The following KLHL13 variants were observed in gnomAD, a reference collection of about 807,000 sequenced individuals.
KLHL13 encodes the protein kelch-like protein 13.
Under a neutral mutation model 37.1 loss-of-function variants are expected in KLHL13, and 10 were observed. The ratio of observed to expected loss-of-function variants is 0.27; its 90% CI spans 0.17 to 0.46. KLHL13 has a LOEUF of 0.46. KLHL13 is among the 20% of genes least tolerant of loss of function. KLHL13 has a pLI of 1.00. For missense variants in KLHL13, 360 were observed against 509.3 expected, an observed-to-expected ratio of 0.71 and a Z score of 2.82; for synonymous variants, 163 against 181.2, an observed-to-expected ratio of 0.90 and a Z score of 0.81.
chrX:118,012,588 C>A (rs956672189), intron 1 of KLHL13, among the ~76,000 whole-genome samples: 2 of 104,988 alleles, frequency 1.9e-5, no homozygotes, highest in Non-Finnish European at 3.9e-5. Flanking sequence ...ATCTCATAGA[C>A]CTTAACTTAA....
chrX:117,934,133 A>G (rs570330328), intron 2 of KLHL13, among the ~76,000 whole-genome samples: 115 of 110,615 alleles, frequency 1.0e-3, no homozygotes, highest in African/African-American at 3.6e-3. Flanking sequence ...TGGGATTCTA[A>G]AAGGAGGAAG....
chrX:117,992,627 C>T (rs984384393), intron 1 of KLHL13, among the ~76,000 whole-genome samples: 5 of 109,107 alleles, frequency 4.6e-5, no homozygotes, highest in African/African-American at 1.7e-4. Flanking sequence ...CTGTCACCAC[C>T]CATTCAACTC....
In KLHL13 at chrX:118,089,620, G is replaced by GAGAAAGAAAGAAAGAAAGAAGAAAGAA. The variant is rs1556002571; in HGVS notation, c.-56+26887_-56+26888insTTCTTTCTTCTTTCTTTCTTTCTTTCT. On this transcript the variant is annotated intron_variant, in intron 1 of 6. Transcript: ENST00000371882. ...AGAGAGAGAGAGAGAGAGAAAGAAA[G>GAGAAAGAAAGAAAGAAAGAAGAAAGAA]AGAAAGAAAGAAAGAAAGAAAGAAA... 7.7e-3 allele frequency among the ~76,000 whole-genome samples: 553 copies of GAGAAAGAAAGAAAGAAAGAAGAAAGAA among 71,909 alleles called. 16 individuals carry two copies. The highest frequency in any genetic ancestry group is 0.03 in the African/African-American group (522 of 17,287). 62.4% of individuals were successfully genotyped at this position (71,909 alleles called of 115,157 possible).
intron 1 of KLHL13, among the ~76,000 whole-genome samples, chrX:118,093,813 A>T (rs1298688627): frequency 9.0e-6 from 1 of 110,690 alleles, no homozygotes; most frequent in African/African-American, 3.3e-5. Flanking sequence ...CATAAGAAGT[A>T]TGATGGGCTA....
At chrX:117,923,623 T>G (rs1488477560) in intron 2 of KLHL13, among the ~76,000 whole-genome samples, 4 of 112,196 alleles carry the variant, frequency 3.6e-5, no homozygotes, top group Non-Finnish European at 7.5e-5. Flanking sequence ...TTGAATAATG[T>G]CAGTATGTTC....
intron 1 of KLHL13, among the ~76,000 whole-genome samples, chrX:118,071,204 C>A (rs1408790869): frequency 9.0e-6 from 1 of 111,505 alleles, no homozygotes; most frequent in Non-Finnish European, 1.9e-5. Flanking sequence ...GTGAATAATG[C>A]CGCAATAAAC....
At chrX:118,102,876 T>C (rs1352552475) in intron 1 of KLHL13, among the ~76,000 whole-genome samples, 1 of 112,075 alleles carries the variant, frequency 8.9e-6, no homozygotes, top group Non-Finnish European at 1.9e-5. Flanking sequence ...TGGGTTCATT[T>C]TTTAAAATCA....
In KLHL13 at chrX:117,936,788, A is replaced by T. The variant is rs143291660; in HGVS notation, c.240+8646T>A. Among the ~76,000 whole-genome samples, 931 of 111,392 alleles carry T rather than the reference A, an allele frequency of 8.4e-3. 7 individuals are homozygous for T. Among genetic ancestry groups the T allele is most frequent in the African/African-American group, 0.029 (893 of 30,632 alleles). On this transcript the variant is annotated intron_variant, in intron 2 of 6. Transcript: ENST00000262820. The stretch of plus-strand genomic sequence containing the variant: ...TCTGATCAGCTCTATTCCCTGTGAG[A>T]CCTTCTCCATTTACCTCAAGTGGAA...
chrX:118,008,798 G>A (rs145388402), intron 1 of KLHL13, among the ~76,000 whole-genome samples: 6,177 of 111,123 alleles, frequency 0.056, 416 homozygotes, highest in African/African-American at 0.19. Context: ...TTACTGTGTG[G>A]CCTTAGACAA....
rs758444002 is a variant in KLHL13, at chrX:117,901,897, G to A, written c.1416C>T (p.Ala472=). 7.6e-5 allele frequency: 90 copies of A among 1,191,054 alleles called. No homozygotes were observed. Among genetic ancestry groups the A allele is most frequent in the Non-Finnish European group, 9.8e-5 (86 of 881,397 alleles). ...GGCCATAGTGGGGCTCACTCATTTT[G>A]GCAACATAGGTCCATTCATTTGTTC... Residue 472 remains alanine, a synonymous_variant, in exon 6 of 7, where the codon GCC becomes GCT. Transcript: ENST00000262820.
intron 1 of KLHL13, among the ~76,000 whole-genome samples, chrX:118,091,615 GA>G (rs1034768812): frequency 2.7e-5 from 3 of 110,492 alleles, no homozygotes; most frequent in African/African-American, 9.9e-5. Context: ...AAAATAAACT[GA>G]AAAAAATATG....
chrX:118,104,048 T>TAA (rs60645250), intron 1 of KLHL13, among the ~76,000 whole-genome samples: 24 of 42,570 alleles, frequency 5.6e-4, no homozygotes, highest in East Asian at 2.8e-3. Context: ...TCATTTCCAC[T>TAA]AAAAAAAAAA....
At chrX:117,953,544 A>T (rs191525301) in intron 1 of KLHL13, among the ~76,000 whole-genome samples, 1 of 110,918 alleles carries the variant, frequency 9.0e-6, no homozygotes, top group Non-Finnish European at 1.9e-5. Context: ...CCTAAAACTT[A>T]AAGTATAATA....
rs375112126 is a variant in KLHL13 at position 118,080,407 on chromosome X, TAAAC to T, written c.-56+36097_-56+36100del. 9.3e-3 allele frequency among the ~76,000 whole-genome samples: 1,022 copies of T among 110,179 alleles called. 14 individuals are homozygous for T. Among genetic ancestry groups the T allele is most frequent in the African/African-American group, 0.032 (967 of 30,233 alleles). On this transcript the variant is annotated intron_variant, in intron 1 of 6. Coordinates refer to the KLHL13 transcript ENST00000371882. ...TATTATCCAGAATCTATAAGTAACT[TAAAC>T]AAATCAACCAGCAAGAAACAACCCC...
In KLHL13 at chrX:118,018,590, ACAATTTGG is replaced by A. The variant is rs765209894; in HGVS notation, c.-55-73023_-55-73016del. ...CCTAAATTTATGTAGAATGTATAGG[ACAATTTGG>A]AAATAATGTATCTCTTCTTAGCATT... On this transcript the variant is annotated intron_variant, in intron 1 of 6. Coordinates refer to the KLHL13 transcript ENST00000371882. Among the ~76,000 whole-genome samples the A allele has an allele frequency of 1.9e-4, 21 of 111,803 alleles. No individual in the cohort carries two copies. The East Asian group carries it at 5.6e-3, about 30-fold the overall frequency.
intron 2 of KLHL13, among the ~76,000 whole-genome samples, chrX:117,926,210 T>C (rs191537237): frequency 1.8e-5 from 2 of 111,661 alleles, no homozygotes; most frequent in Admixed American, 9.5e-5. Context: ...CTGTGAAAGA[T>C]AAGAAACAAA....
rs762488932 is a variant in KLHL13, at chrX:118,028,508, G to A, written c.-55-82933C>T. 10 of 867,701 alleles carry A rather than the reference G, an allele frequency of 1.2e-5. 1 individual carries two copies. The Admixed American group carries it at 2.0e-4, about 17-fold the overall frequency. The allele number at this position is 867,701 out of a possible 1,213,427, so 71.5% of individuals were successfully genotyped here. On this transcript the variant is annotated intron_variant, in intron 1 of 6. Coordinates refer to the KLHL13 transcript ENST00000371882. ...AAGTTGGATAATGACCTGTTCAGGA[G>A]GAAAAGAAGCCAATATTTACTATGA...
chrX:117,987,165 G>C (rs1161066368), intron 1 of KLHL13, among the ~76,000 whole-genome samples: 3 of 111,758 alleles, frequency 2.7e-5, no homozygotes, highest in African/African-American at 9.8e-5. Context: ...CGACAGAAGA[G>C]CTGAATGATG....
intron 1 of KLHL13, among the ~76,000 whole-genome samples, chrX:118,089,336 C>T (rs2055090752): frequency 9.1e-6 from 1 of 109,767 alleles, no homozygotes; most frequent in African/African-American, 3.3e-5. Context: ...ACTCTTAGCC[C>T]TCTCAGGCAG....
Sources: allele counts gnomAD v4.1 joint callset (sites outside exome capture counted in the v4.1 genomes callset), GRCh38; gene constraint gnomAD v4.1.1; transcripts MANE v1.5; gene names NCBI Gene and HGNC (gene_info 2026-07-23, HGNC 2026-07-21).